BAIAP2L1: variants seen among roughly 807,000 people sequenced by gnomAD.
BAIAP2L1 encodes the protein BAR/IMD domain containing adaptor protein 2 like 1.
BAIAP2L1 carries 35 observed loss-of-function variants against 66.3 expected under a neutral mutation model. The observed-to-expected ratio is 0.53, with a 90% confidence interval of 0.40 to 0.70. The LOEUF is 0.70. Ranked by LOEUF, BAIAP2L1 falls within the 30% of genes least tolerant of loss-of-function variation. The pLI is 0.00. For synonymous variants in BAIAP2L1, 269 were observed against 248.7 expected (o/e 1.08, Z -0.77); for missense variants, 622 against 656.9 (o/e 0.95, Z 0.58).
chr7:98,319,334 G>A (rs1801174560), intron 5 of BAIAP2L1, among the ~76,000 whole-genome samples: 1 of 152,194 alleles, frequency 6.6e-6, no homozygotes, highest in Non-Finnish European at 1.5e-5. Context: ...CGCCATGCAG[G>A]AGCGGTCTCT....
intron 6 of BAIAP2L1, among the ~76,000 whole-genome samples, chr7:98,316,238 C>A (rs142608415): frequency 6.6e-6 from 1 of 152,278 alleles, no homozygotes; most frequent in East Asian, 1.9e-4. Flanking sequence ...TGAGGCCTCC[C>A]CGGCCATGTG....
At chr7:98,347,052 C>T (rs1235769445) in intron 3 of BAIAP2L1, among the ~76,000 whole-genome samples, 4 of 152,166 alleles carry the variant, frequency 2.6e-5, no homozygotes, top group Non-Finnish European at 5.9e-5. Flanking sequence ...CTTAAAGGAA[C>T]TCTTGAAGAT....
intron 1 of BAIAP2L1, among the ~76,000 whole-genome samples, chr7:98,391,289 G>A (rs1803038071): frequency 6.6e-6 from 1 of 151,972 alleles, no homozygotes; most frequent in Non-Finnish European, 1.5e-5. Flanking sequence ...AACTCATTCT[G>A]GTAATATTTT....
Position 98,294,086 on chromosome 7 carries a change from G to A in BAIAP2L1, c.1448C>T (p.Pro483Leu), listed in dbSNP as rs539047916. The change falls in exon 13 of 14, where the codon CCG (proline) becomes CTG (leucine). Residue 483 changes from proline to leucine, a missense_variant. By Grantham distance (98) the Pro-to-Leu change is moderately conservative (BLOSUM62 -3). Transcript: ENST00000005260. ...APNDANGTAK[P>L]PFLSGENPFA... ...AAGCCACGCCTACCTGAGAAAAGGC[G>A]GCTTTGCAGTCCCGTTGGCATCGTT... is the stretch of plus-strand genomic sequence containing the variant. The A allele has an allele frequency of 8.1e-6, 13 of 1,614,138 alleles. No individual in the cohort carries two copies. The East Asian group carries it at 1.1e-4, about 14-fold the overall frequency.
At chr7:98,350,823 T>C (rs926770981) in intron 3 of BAIAP2L1, among the ~76,000 whole-genome samples, 1 of 151,958 alleles carries the variant, frequency 6.6e-6, no homozygotes. Context: ...GGGAAAAAAG[T>C]GGGAGGGCCC....
At chr7:98,314,973 C>T (rs987777000) in intron 7 of BAIAP2L1, among the ~76,000 whole-genome samples, 8 of 152,200 alleles carry the variant, frequency 5.3e-5, no homozygotes, top group South Asian at 2.1e-4. Context: ...TATACATGGA[C>T]GTTTGACCAT....
At chr7:98,377,343 C>A (rs547708395) in intron 1 of BAIAP2L1, among the ~76,000 whole-genome samples, 1 of 152,154 alleles carries the variant, frequency 6.6e-6, no homozygotes, top group East Asian at 1.9e-4. Flanking sequence ...TGCAGAGACA[C>A]AGGGTATGTG....
intron 1 of BAIAP2L1, among the ~76,000 whole-genome samples, chr7:98,397,721 T>C (rs1803249803): frequency 6.6e-6 from 1 of 152,152 alleles, no homozygotes; most frequent in Non-Finnish European, 1.5e-5. Context: ...GAGCATATAC[T>C]CATCAGAAAA....
intron 1 of BAIAP2L1, among the ~76,000 whole-genome samples, chr7:98,367,284 C>G (rs1368877311): frequency 6.6e-6 from 1 of 152,152 alleles, no homozygotes; most frequent in African/African-American, 2.4e-5. Flanking sequence ...GAAACTGTCA[C>G]TGCTACAGTT....
intron 1 of BAIAP2L1, among the ~76,000 whole-genome samples, chr7:98,395,961 T>G (rs566153936): frequency 7.2e-5 from 11 of 152,346 alleles, no homozygotes; most frequent in African/African-American, 2.6e-4. Flanking sequence ...ATTTCAGTTT[T>G]GGGTATTAAT....
intron 1 of BAIAP2L1, among the ~76,000 whole-genome samples, chr7:98,399,287 G>A (rs1483127464): frequency 6.6e-6 from 1 of 152,108 alleles, no homozygotes; most frequent in African/African-American, 2.4e-5. Context: ...TACCTGTAAG[G>A]CATAATTTAT....
At chr7:98,374,958 G>A (rs186158829) in intron 1 of BAIAP2L1, among the ~76,000 whole-genome samples, 34 of 152,174 alleles carry the variant, frequency 2.2e-4, no homozygotes, top group Admixed American at 1.3e-3. Context: ...GTAGCAGTGT[G>A]TACCTGTGGT....
At chr7:98,313,001 G>A (rs559424949) in intron 7 of BAIAP2L1, among the ~76,000 whole-genome samples, 48 of 152,232 alleles carry the variant, frequency 3.2e-4, no homozygotes, top group Non-Finnish European at 6.2e-4. Flanking sequence ...CCTGTCCTGC[G>A]GCTGTGTGCA....
At chr7:98,326,102 C>A (rs1801376497) in intron 3 of BAIAP2L1, among the ~76,000 whole-genome samples, 1 of 152,142 alleles carries the variant, frequency 6.6e-6, no homozygotes, top group African/African-American at 2.4e-5. Context: ...CACAGTGAAA[C>A]CCCATCTCTC....
chr7:98,374,012 G>T (rs910342746), intron 1 of BAIAP2L1, among the ~76,000 whole-genome samples: 13 of 152,028 alleles, frequency 8.6e-5, no homozygotes, highest in African/African-American at 3.1e-4. Context: ...GAGTATAGAG[G>T]CAAGAACATG....
chr7:98,356,496 A>G (rs1361530064), intron 2 of BAIAP2L1, among the ~76,000 whole-genome samples: 2 of 151,590 alleles, frequency 1.3e-5, no homozygotes, highest in Non-Finnish European at 2.9e-5. Flanking sequence ...GGTGGATTTT[A>G]TTTTATTTTA....
Position 98,381,413 on chromosome 7 carries a change from C to A in BAIAP2L1, c.52-18981G>T, listed in dbSNP as rs528022938. Among the ~76,000 whole-genome samples the A allele has an allele frequency of 1.3e-3, 192 of 152,286 alleles. 1 individual carries two copies. Among genetic ancestry groups the A allele is most frequent in the African/African-American group, 4.5e-3 (188 of 41,554 alleles). ...GCTACAAAGATTGTCCTTCCAGGTG[C>A]AAAGGTCATAGCAGAAAGGAAGCCA... On this transcript the variant is annotated intron_variant, in intron 1 of 13. Transcript: ENST00000005260.
chr7:98,398,979 TAC>T (rs1360348861), intron 1 of BAIAP2L1, among the ~76,000 whole-genome samples: 1 of 152,142 alleles, frequency 6.6e-6, no homozygotes, highest in Admixed American at 6.6e-5. Context: ...CTTCCTCAAT[TAC>T]ACAGTTTTTC....
intron 1 of BAIAP2L1, among the ~76,000 whole-genome samples, chr7:98,391,210 G>A (rs1000319729): frequency 6.6e-6 from 1 of 152,030 alleles, no homozygotes; most frequent in Non-Finnish European, 1.5e-5. Context: ...AAAAGCACAA[G>A]CACTCTAGGA....
Sources: allele counts gnomAD v4.1 joint callset (sites outside exome capture counted in the v4.1 genomes callset), GRCh38; gene constraint gnomAD v4.1.1; transcripts MANE v1.5; gene names NCBI Gene and HGNC (gene_info 2026-07-23, HGNC 2026-07-21).